The following DNAH10 variants were observed in gnomAD, a reference collection of about 807,000 sequenced individuals.
The protein encoded by DNAH10 is dynein axonemal heavy chain 10, also known as axonemal beta dynein heavy chain 10.
In DNAH10, 348 loss-of-function variants were observed where a neutral mutation model predicts 506.6. The ratio of observed to expected loss-of-function variants is 0.69; its 90% confidence interval spans 0.63 to 0.75. The LOEUF (loss-of-function observed/expected upper bound fraction) is 0.75. Ranked by LOEUF, DNAH10 falls within the 30% of genes least tolerant of loss-of-function variation. The pLI, the probability that DNAH10 is intolerant of heterozygous loss-of-function variation, is 0.00. For missense variants in DNAH10, 5,179 were observed against 5,787.1 expected, an observed-to-expected ratio of 0.89 and a Z score of 3.41; for synonymous variants, 2,059 against 2,198.6, an observed-to-expected ratio of 0.94 and a Z score of 1.78.
intron 35 of DNAH10, 41 bp downstream of exon 35, chr12:123,851,117 TC>T (rs1951144775): frequency 3.3e-6 from 5 of 1,523,094 alleles, no homozygotes; most frequent in Non-Finnish European, 4.4e-6. Context: ...AGTGCAGACT[TC>T]ACCCGGGTCT....
chr12:123,781,242 T>G lies in DNAH10; in HGVS notation c.784T>G (p.Leu262Val). ...HSIQLIRDEF[L>V]MNVQKFASNI... ...TATTCAATTAATACGGGATGAATTT[T>G]TAATGAACGTGCAGAAATTTGCAAG... The change falls in exon 6 of 79, where the codon TTA becomes GTA. Residue 262 changes from leucine to valine, a missense_variant. By Grantham distance (32) the Leu-to-Val change is conservative. This residue lies in a region of DNAH10 where 9 missense variants were observed against 25.8 expected (regional missense o/e 0.35). Transcript: ENST00000673944. 11 of 1,613,914 alleles carry G rather than the reference T, an allele frequency of 6.8e-6. No homozygotes were observed. The highest frequency in any genetic ancestry group is 8.5e-6 in the Non-Finnish European group (10 of 1,179,954).
chr12:123,773,455 A>G (rs1335176342), intron 4 of DNAH10, among the ~76,000 whole-genome samples: 1 of 152,254 alleles, frequency 6.6e-6, no homozygotes, highest in South Asian at 2.1e-4. Flanking sequence ...GAGTGAAGAC[A>G]GGCAAAGCCC....
rs750609072 is a variant in DNAH10 at position 123,910,531 on chromosome 12, G to A, written c.9998-5G>A. 19 of 1,610,940 alleles carry A rather than the reference G, an allele frequency of 1.2e-5. No individual in the cohort carries two copies. In the East Asian group the frequency reaches 2.0e-4, roughly 17 times the overall value. ...TCATAAAAATTATTGCATGTTTCAC[G>A]TTAGGCCTCTTGAAGACTCTTAATA... On this transcript the variant is annotated splice_polypyrimidine_tract_variant and splice_region_variant and intron_variant, in intron 58 of 78. Coordinates refer to ENST00000673944, the MANE Select transcript of DNAH10 (RefSeq NM_001372106.1).
chr12:123,903,224 A>G lies in DNAH10; in HGVS notation c.9815+111A>G. 1 of 1,337,900 alleles carries G rather than the reference A, an allele frequency of 7.5e-7. No individual in the cohort carries two copies. The highest frequency in any genetic ancestry group is 1.0e-6 in the Non-Finnish European group (1 of 1,002,672). The allele number at this position is 1,337,900 out of a possible 1,614,324, so 82.9% of individuals were successfully genotyped here. A position where few individuals can be genotyped will look rare whatever the true frequency, so the allele number is the denominator to read the frequency against. ...AAAGGAGCCGATGCCACATGCTGCC[A>G]CTGTGCCTGGCTCTCTCCATGGTGG... On this transcript the variant is annotated intron_variant, in intron 57 of 78. Coordinates refer to ENST00000673944, the MANE Select transcript of DNAH10 (RefSeq NM_001372106.1). This position sits in a 1 kb window ranked among gnomAD's most constrained non-coding sequence, Gnocchi z 4.6.
chr12:123,884,395 G>A (rs1401653313), intron 51 of DNAH10, among the ~76,000 whole-genome samples: 1 of 152,160 alleles, frequency 6.6e-6, no homozygotes, highest in Non-Finnish European at 1.5e-5. Flanking sequence ...AACAAAGTGC[G>A]ATAGACTGGC....
intron 36 of DNAH10, among the ~76,000 whole-genome samples, chr12:123,856,631 C>T (rs1445432683): frequency 1.3e-5 from 2 of 150,102 alleles, no homozygotes; most frequent in Non-Finnish European, 3.0e-5. Context: ...TGCACCCGGC[C>T]ATATATGTGT....
intron 24 of DNAH10, among the ~76,000 whole-genome samples, chr12:123,824,310 G>A (rs1464035515): frequency 2.0e-5 from 3 of 152,180 alleles, no homozygotes; most frequent in African/African-American, 4.8e-5. Flanking sequence ...GTTTGGGGAC[G>A]ATGGTGAACA....
intron 52 of DNAH10, among the ~76,000 whole-genome samples, chr12:123,888,592 T>C (rs1038419456): frequency 2.0e-5 from 3 of 152,194 alleles, no homozygotes; most frequent in Admixed American, 6.5e-5. Context: ...GATTTTTCCC[T>C]TGGAGCTGTT....
chr12:123,806,494 C>T (rs1380083070), intron 18 of DNAH10, among the ~76,000 whole-genome samples: 2 of 152,146 alleles, frequency 1.3e-5, no homozygotes, highest in East Asian at 3.8e-4. Context: ...CTTACTTTAC[C>T]TCACTTTGAT....
chr12:123,831,943 T>G (rs537814938), intron 26 of DNAH10, among the ~76,000 whole-genome samples: 3 of 150,266 alleles, frequency 2.0e-5, no homozygotes, highest in Non-Finnish European at 3.0e-5. Flanking sequence ...CAAAATATGG[T>G]CTAATAATCC....
intron 37 of DNAH10, among the ~76,000 whole-genome samples, chr12:123,858,579 C>A (rs1158493559): frequency 6.6e-6 from 1 of 152,138 alleles, no homozygotes; most frequent in Non-Finnish European, 1.5e-5. Context: ...AATTTCACTG[C>A]TGGGGATCTA....
Position 123,819,231 on chromosome 12 carries a change from T to C in DNAH10, c.3981T>C (p.Val1327=). The part of the protein sequence containing the change: ...KRFYSEGPGS[V]GDDLDKGVEL... ...TTTACAGTGAAGGCCCTGGTTCTGTTGGTGATGATCTTGATAAAGGTAAGA... is the reference window on the plus strand; with the variant it reads ...TTTACAGTGAAGGCCCTGGTTCTGTCGGTGATGATCTTGATAAAGGTAAGA... Residue 1327 remains valine (V), a synonymous_variant, in exon 23 of 79, where the codon GTT becomes GTC. Coordinates refer to ENST00000673944, the MANE Select transcript of DNAH10 (RefSeq NM_001372106.1). 6.2e-7 allele frequency: 1 copy of C among 1,612,848 alleles called. No homozygotes were observed. Among genetic ancestry groups the C allele is most frequent in the Non-Finnish European group, 8.5e-7 (1 of 1,179,448 alleles).
At chr12:123,886,511 G>A (rs1195385717) in intron 51 of DNAH10, among the ~76,000 whole-genome samples, 1 of 152,166 alleles carries the variant, frequency 6.6e-6, no homozygotes, top group Non-Finnish European at 1.5e-5. Flanking sequence ...GTGTGTGTGT[G>A]AGCATGTGTT....
chr12:123,772,649 CTCAGAG>C (rs1957296864), intron 3 of DNAH10, among the ~76,000 whole-genome samples, 179 bp from the exon 4 acceptor site: 1 of 152,198 alleles, frequency 6.6e-6, no homozygotes, highest in African/African-American at 2.4e-5. Context: ...AGGCTGACAG[CTCAGAG>C]TCTGGGTGCA....
chr12:123,856,097 C>G (rs972596677), intron 36 of DNAH10, among the ~76,000 whole-genome samples: 5 of 146,110 alleles, frequency 3.4e-5, no homozygotes, highest in Non-Finnish European at 7.5e-5. Flanking sequence ...ATATTTTATA[C>G]TATATAATAT....
At position 123,808,791 on chromosome 12, in the gene DNAH10, T is replaced by C; in HGVS notation, c.2988-6T>C. ...ACTCTGAGTCTTTCTCATCAACCCC[T>C]CTTAGGAACTTGCAGTCTTTTAATT... On this transcript the variant is annotated splice_polypyrimidine_tract_variant and splice_region_variant and intron_variant, in intron 18 of 78. Transcript: ENST00000673944. The C allele has an allele frequency of 6.2e-7, 1 of 1,614,002 alleles. No homozygotes were observed. The highest frequency in any genetic ancestry group is 8.5e-7 in the Non-Finnish European group (1 of 1,179,960).
rs1341348398 is a variant in DNAH10 at position 123,851,354 on chromosome 12, G to GACGTGTTAGCTCC, written c.6291+279_6291+280insCGTGTTAGCTCCA. Among the ~76,000 whole-genome samples, 46 of 145,240 alleles carry GACGTGTTAGCTCC rather than the reference G, an allele frequency of 3.2e-4. 2 individuals are homozygous for GACGTGTTAGCTCC. Among genetic ancestry groups the GACGTGTTAGCTCC allele is most frequent in the African/African-American group, 9.6e-4 (36 of 37,316 alleles). On this transcript the variant is annotated intron_variant, in intron 35 of 78. Coordinates refer to ENST00000673944, the MANE Select transcript of DNAH10 (RefSeq NM_001372106.1). ...TGGCTCTTCCAGACTGGGGACCTAG[G>GACGTGTTAGCTCC]ATGTGTCAGCTCCATGTGGCTCTTC...
At position 123,804,861 on chromosome 12, in the gene DNAH10, GCGA is replaced by G. The variant is rs1958604194; in HGVS notation, c.2809_2811del (p.Arg937del). 2 of 1,612,086 alleles carry G rather than the reference GCGA, an allele frequency of 1.2e-6. No individual in the cohort carries two copies. Among genetic ancestry groups the G allele is most frequent in the African/African-American group, 2.7e-5 (2 of 74,834 alleles). On this transcript the variant is annotated inframe_deletion, in exon 18 of 79. Transcript: ENST00000673944. ...TGAAGGAATTTTTTGAACACATTGA[GCGA>G]GAAAGGGCCAGCGACGTGGACCACA...
At chr12:123,809,541 T>C (rs1958845081) in intron 19 of DNAH10, among the ~76,000 whole-genome samples, 1 of 152,076 alleles carries the variant, frequency 6.6e-6, no homozygotes, top group African/African-American at 2.4e-5. Context: ...TCCTAGCTAC[T>C]TGGGAGGCTG....
Sources: allele counts gnomAD v4.1 joint callset (sites outside exome capture counted in the v4.1 genomes callset), GRCh38; gene constraint gnomAD v4.1.1; regional missense constraint gnomAD v4.1.1; non-coding constraint Gnocchi (gnomAD v3.1); transcripts MANE v1.5; gene names NCBI Gene and HGNC (gene_info 2026-07-23, HGNC 2026-07-21).